Variants in TENM3 observed in about 807,000 individuals in gnomAD.
TENM3 encodes the protein teneurin-3.
TENM3 carries 63 observed loss-of-function variants against 255.1 expected under a neutral mutation model. The ratio of observed to expected loss-of-function variants is 0.25; its 90% CI spans 0.20 to 0.30. The LOEUF (loss-of-function observed/expected upper bound fraction) is 0.30. TENM3 is among the 10% of genes least tolerant of loss of function. The pLI is 1.00. For missense variants in TENM3, 2,929 were observed against 3,461.1 expected (o/e 0.85, Z 3.86); for synonymous variants, 1,306 against 1,322.3 (o/e 0.99, Z 0.27).
chr4:182,689,624 G>T (rs773585050), intron 12 of TENM3, among the ~76,000 whole-genome samples: 1 of 152,190 alleles, frequency 6.6e-6, no homozygotes, highest in South Asian at 2.1e-4. Context: ...CCATGCACAG[G>T]CTTCCTATCT....
the TENM3 span, among the ~76,000 whole-genome samples, chr4:181,724,570 T>C: frequency 2.6e-5 from 4 of 152,242 alleles, no homozygotes; most frequent in Admixed American, 2.0e-4. Context: ...TTTTTATCTC[T>C]GTAAGATAAT....
chr4:182,214,420 T>C (rs1012036790), intron 1 of TENM3, among the ~76,000 whole-genome samples: 1 of 152,240 alleles, frequency 6.6e-6, no homozygotes, highest in Admixed American at 6.5e-5. Flanking sequence ...TAAAGACTTA[T>C]TATTTTCCAT....
intron 3 of TENM3, among the ~76,000 whole-genome samples, chr4:182,505,628 A>G (rs1441660742): frequency 6.6e-6 from 1 of 151,500 alleles, no homozygotes; most frequent in Non-Finnish European, 1.5e-5. Flanking sequence ...ACAGGCACCC[A>G]CTACCACGCC....
chr4:181,607,257 G>C, the TENM3 span, among the ~76,000 whole-genome samples: 2 of 152,134 alleles, frequency 1.3e-5, no homozygotes, highest in South Asian at 4.1e-4. Context: ...TTGTTCACCA[G>C]ACTGTCCAGT....
chr4:182,429,572 A>G (rs1771475731), intron 3 of TENM3, among the ~76,000 whole-genome samples: 1 of 152,218 alleles, frequency 6.6e-6, no homozygotes, highest in South Asian at 2.1e-4. Flanking sequence ...TGAATTTGAC[A>G]TTTCCATTAA....
At chr4:181,599,502 G>A in the TENM3 span, among the ~76,000 whole-genome samples, 4 of 152,200 alleles carry the variant, frequency 2.6e-5, no homozygotes, top group Admixed American at 2.6e-4. Flanking sequence ...CAACTTATCA[G>A]TGGTAAAGTA....
At chr4:182,110,861 T>C in the TENM3 span, among the ~76,000 whole-genome samples, 1 of 152,172 alleles carries the variant, frequency 6.6e-6, no homozygotes, top group Middle Eastern at 3.2e-3. Context: ...GAGGAACAAA[T>C]AGATGATCGA....
At chr4:182,684,401 T>G (rs1469694675) in intron 11 of TENM3, among the ~76,000 whole-genome samples, 2 of 111,294 alleles carry the variant, frequency 1.8e-5, no homozygotes, top group African/African-American at 7.3e-5. Context: ...ACTCAGACAC[T>G]GAACTGCCTG....
chr4:181,544,404 G>A, the TENM3 span, among the ~76,000 whole-genome samples: 415 of 49,240 alleles, frequency 8.4e-3, 2 homozygotes, highest in Non-Finnish European at 0.012. Context: ...CTTTCCTTCA[G>A]GATTAAAAAA....
chr4:181,897,742 G>T, the TENM3 span, among the ~76,000 whole-genome samples: 1 of 152,298 alleles, frequency 6.6e-6, no homozygotes, highest in African/African-American at 2.4e-5. Context: ...GCTGGCCAGT[G>T]ATAGTGACAC....
the TENM3 span, among the ~76,000 whole-genome samples, chr4:182,130,689 C>T: frequency 1.6e-5 from 2 of 125,352 alleles, no homozygotes; most frequent in Admixed American, 1.5e-4. Flanking sequence ...TCCTGTATGC[C>T]GTTTTTTTTT....
the TENM3 span, among the ~76,000 whole-genome samples, chr4:181,784,473 A>G: frequency 1.3e-4 from 20 of 152,000 alleles, no homozygotes; most frequent in Non-Finnish European, 2.9e-4. Context: ...TAGTTTCTCC[A>G]TTTTATATTC....
the TENM3 span, among the ~76,000 whole-genome samples, chr4:181,698,676 A>G: frequency 3.5e-4 from 54 of 152,246 alleles, no homozygotes; most frequent in Admixed American, 7.2e-4. Context: ...GCCAAAAACT[A>G]GCAGTAAGAT....
At chr4:181,773,899 G>A in the TENM3 span, among the ~76,000 whole-genome samples, 44,148 of 151,606 alleles carry the variant, frequency 0.29, 6,661 homozygotes, top group South Asian at 0.39. Flanking sequence ...AGTATTCCCC[G>A]TGAAGAAATA....
chr4:182,235,679 T>C (rs1561226382), intron 1 of TENM3, among the ~76,000 whole-genome samples: 2 of 151,878 alleles, frequency 1.3e-5, no homozygotes, highest in Admixed American at 1.3e-4. Context: ...GAGCCATCTC[T>C]CACAAGCTGG....
At chr4:181,767,330 G>GA in the TENM3 span, among the ~76,000 whole-genome samples, 2 of 147,742 alleles carry the variant, frequency 1.4e-5, no homozygotes, top group Non-Finnish European at 1.5e-5. Flanking sequence ...TATACTGAAA[G>GA]AAAAAACAAA....
the TENM3 span, among the ~76,000 whole-genome samples, chr4:181,741,790 A>G: frequency 2.0e-5 from 3 of 152,174 alleles, no homozygotes; most frequent in Non-Finnish European, 2.9e-5. Context: ...TAATAAAACC[A>G]GCTCAGTCTA....
chr4:182,718,143 A>G (rs903243430), intron 13 of TENM3, among the ~76,000 whole-genome samples: 1 of 152,032 alleles, frequency 6.6e-6, no homozygotes, highest in Non-Finnish European at 1.5e-5. Flanking sequence ...CTGGTCTCAC[A>G]TGTGAGACGT....
At chr4:182,564,579 TTG>T (rs1409650237) in intron 3 of TENM3, among the ~76,000 whole-genome samples, 1 of 122,638 alleles carries the variant, frequency 8.2e-6, no homozygotes, top group Non-Finnish European at 1.9e-5. Context: ...TGTTTTTGTT[TTG>T]TTTTTTTTTT....
Sources: allele counts gnomAD v4.1 joint callset (sites outside exome capture counted in the v4.1 genomes callset), GRCh38; gene constraint gnomAD v4.1.1; transcripts MANE v1.5; gene names NCBI Gene and HGNC (gene_info 2026-07-23, HGNC 2026-07-21).